CECR2: variants seen among roughly 807,000 people sequenced by gnomAD.
The protein encoded by CECR2 is chromatin remodeling regulator CECR2.
Under a neutral mutation model 154.5 loss-of-function variants are expected in CECR2, and 30 were observed. That is an observed-to-expected ratio of 0.19 (90% CI 0.15 to 0.26). CECR2 has a LOEUF of 0.26. CECR2 is among the 10% of genes least tolerant of loss of function. CECR2 has a pLI of 1.00. For missense variants in CECR2, 1,743 were observed against 1,829.3 expected (o/e 0.95, Z 0.86); for synonymous variants, 725 against 683.7 (o/e 1.06, Z -0.94).
intron 16 of CECR2, among the ~76,000 whole-genome samples, chr22:17,546,564 CGGTT>C (rs970343434): frequency 6.6e-6 from 1 of 150,910 alleles, no homozygotes; most frequent in Non-Finnish European, 1.5e-5. Context: ...ATGAAAAGTA[CGGTT>C]TTTCACTTTC....
intron 16 of CECR2, among the ~76,000 whole-genome samples, chr22:17,546,047 C>T (rs1012649405): frequency 2.7e-5 from 4 of 150,740 alleles, no homozygotes; most frequent in Middle Eastern, 3.5e-3. Flanking sequence ...GTTGAAACTC[C>T]GACTCTTTTA....
chr22:17,407,864 C>T (rs930313791), intron 1 of CECR2, among the ~76,000 whole-genome samples: 21 of 152,136 alleles, frequency 1.4e-4, no homozygotes, highest in Admixed American at 1.2e-3. Context: ...CAAACATCAT[C>T]TAGTCCAAAA....
At chr22:17,529,617 G>A (rs532827327) in intron 9 of CECR2, among the ~76,000 whole-genome samples, 38 of 151,742 alleles carry the variant, frequency 2.5e-4, no homozygotes, top group African/African-American at 7.7e-4. Flanking sequence ...GGAGAATGGC[G>A]TGAACCCGGG....
chr22:17,386,725 A>G (rs903323499), intron 1 of CECR2, among the ~76,000 whole-genome samples: 13 of 149,378 alleles, frequency 8.7e-5, no homozygotes, highest in Admixed American at 5.4e-4. Context: ...ATCTCAGCTC[A>G]CTGCAACCTC....
chr22:17,439,769 G>T (rs1370092560), intron 1 of CECR2, among the ~76,000 whole-genome samples: 1 of 152,106 alleles, frequency 6.6e-6, no homozygotes. Flanking sequence ...CAAAACAACT[G>T]CCGTGCAATG....
intron 1 of CECR2, among the ~76,000 whole-genome samples, chr22:17,472,042 T>C (rs2055136253): frequency 6.6e-6 from 1 of 152,168 alleles, no homozygotes; most frequent in African/African-American, 2.4e-5. Context: ...TTCCTTTCTG[T>C]GTTACTCAGC....
At chr22:17,477,837 G>T (rs1397371184) in intron 2 of CECR2, among the ~76,000 whole-genome samples, 155 bp downstream of exon 2, 1 of 152,178 alleles carries the variant, frequency 6.6e-6, no homozygotes, top group East Asian at 1.9e-4. Context: ...TCCAGGCTGT[G>T]TTTGGCTTAT....
At chr22:17,535,482 T>C (rs2056424473) in intron 9 of CECR2, among the ~76,000 whole-genome samples, 1 of 152,192 alleles carries the variant, frequency 6.6e-6, no homozygotes, top group East Asian at 1.9e-4. Flanking sequence ...TGTTTTAAAA[T>C]AACTTTGTTG....
intron 1 of CECR2, among the ~76,000 whole-genome samples, chr22:17,360,567 C>T (rs1182574773): frequency 6.6e-6 from 1 of 151,984 alleles, no homozygotes; most frequent in Non-Finnish European, 1.5e-5. Flanking sequence ...ATCCCAGCTA[C>T]TCAGGAGGCT....
At chr22:17,425,859 TAAAGAG>T (rs1430663351) in intron 1 of CECR2, among the ~76,000 whole-genome samples, 6 of 152,148 alleles carry the variant, frequency 3.9e-5, no homozygotes, top group African/African-American at 1.4e-4. Flanking sequence ...AAAGCGATGT[TAAAGAG>T]AAAGGAAAGG....
chr22:17,477,259 GA>G, intron 1 of CECR2: 1 of 638,432 alleles, frequency 1.6e-6, no homozygotes, highest in East Asian at 2.7e-5. Context: ...ATTTATACTC[GA>G]TTATATATAA....
chr22:17,466,438 A>G (rs1446776991), intron 1 of CECR2, among the ~76,000 whole-genome samples: 1 of 152,178 alleles, frequency 6.6e-6, no homozygotes, highest in Non-Finnish European at 1.5e-5. Flanking sequence ...AGAGAGAATT[A>G]CACTGAAAAC....
At chr22:17,404,139 C>G (rs898811395) in intron 1 of CECR2, among the ~76,000 whole-genome samples, 23 of 151,406 alleles carry the variant, frequency 1.5e-4, no homozygotes, top group African/African-American at 3.9e-4. Flanking sequence ...CACGTCTGTA[C>G]TCCCAGCTAC....
At chr22:17,451,296 C>T (rs2054766002) in intron 1 of CECR2, among the ~76,000 whole-genome samples, 1 of 152,092 alleles carries the variant, frequency 6.6e-6, no homozygotes, top group Admixed American at 6.6e-5. Flanking sequence ...GGGACTGATA[C>T]AAAGTGGTTT....
intron 1 of CECR2, among the ~76,000 whole-genome samples, chr22:17,360,747 A>G (rs1479417082): frequency 1.3e-5 from 2 of 151,432 alleles, no homozygotes; most frequent in African/African-American, 2.4e-5. Context: ...AGGGAGGCTG[A>G]GGCAGAAGAA....
chr22:17,542,163 G>A lies in CECR2; in HGVS notation c.2020G>A (p.Val674Ile). Residue 674 changes from valine to isoleucine, a missense_variant, in exon 16 of 19, where the codon GTT (valine) becomes ATT (isoleucine). Coordinates refer to ENST00000262608, the MANE Select transcript of CECR2 (RefSeq NM_001290047.2). ...TGCCTTTTCTCGTTGCCAGCCTCCA[G>A]TTGGAATTAACAGCCTCCGAGGACC... ...QRQPFTMQPP[V>I]GINSLRGPRL... 1 of 1,608,872 alleles carries A rather than the reference G, an allele frequency of 6.2e-7. No individual in the cohort carries two copies. The highest frequency in any genetic ancestry group is 8.5e-7 in the Non-Finnish European group (1 of 1,176,028).
chr22:17,552,598 G>T (rs1555936245), intron 18 of CECR2, among the ~76,000 whole-genome samples: 1 of 151,946 alleles, frequency 6.6e-6, no homozygotes, highest in Non-Finnish European at 1.5e-5. Context: ...CTCATTGGCT[G>T]CATCATCATC....
intron 1 of CECR2, among the ~76,000 whole-genome samples, chr22:17,470,415 A>G (rs1411951292): frequency 2.0e-5 from 3 of 151,992 alleles, no homozygotes; most frequent in East Asian, 1.9e-4. Context: ...AAAAGAAAAA[A>G]AAATTCTGTC....
intron 18 of CECR2, 38 bp from the exon 19 acceptor site, chr22:17,552,797 A>G: frequency 2.1e-6 from 2 of 941,394 alleles, no homozygotes; most frequent in Non-Finnish European, 2.9e-6. Context: ...TAACAACCCA[A>G]TTTTTATTTT....
Sources: allele counts gnomAD v4.1 joint callset (sites outside exome capture counted in the v4.1 genomes callset), GRCh38; gene constraint gnomAD v4.1.1; transcripts MANE v1.5; gene names NCBI Gene and HGNC (gene_info 2026-07-23, HGNC 2026-07-21).